Variants in PHLPP2 observed in about 807,000 individuals in gnomAD.
PHLPP2 encodes PH domain and leucine rich repeat protein phosphatase 2.
In PHLPP2, 66 loss-of-function variants were observed where a neutral mutation model predicts 124.9. The ratio of observed to expected loss-of-function variants is 0.53; its 90% CI spans 0.43 to 0.65. The LOEUF (loss-of-function observed/expected upper bound fraction) is 0.65, where lower values mean the gene tolerates loss of function less well. Ranked by LOEUF, PHLPP2 falls within the 30% of genes least tolerant of loss-of-function variation. PHLPP2 has a pLI of 0.00. For synonymous variants in PHLPP2, 681 were observed against 624.7 expected, an observed-to-expected ratio of 1.09 and a Z score of -1.34; for missense variants, 1,685 against 1,600.4, an observed-to-expected ratio of 1.05 and a Z score of -0.90.
chr16:71,705,749 A>G (rs935233210), intron 2 of PHLPP2, among the ~76,000 whole-genome samples: 1 of 152,156 alleles, frequency 6.6e-6, no homozygotes, highest in African/African-American at 2.4e-5. Flanking sequence ...TGACCTCATG[A>G]TCTGCCCGCC....
intron 12 of PHLPP2, 190 bp from the exon 13 acceptor site, chr16:71,664,289 G>A (rs1038754560): frequency 1.7e-6 from 1 of 597,868 alleles, no homozygotes; most frequent in Non-Finnish European, 3.0e-6. Flanking sequence ...CTCAACTCAT[G>A]CAAACCAAGT....
At position 71,649,286 on chromosome 16, in the gene PHLPP2, C is replaced by A; in HGVS notation, c.3576G>T (p.Leu1192=). ...ACCCTCTAGCATGTTCCTCAGAACA[C>A]AGGGTAGGAGAACTCTCTATGAGAG... ...SPPLIESSPT[L]CSEEHARGSC... is the part of the protein sequence containing the mutation. The change falls in exon 19 of 19, where the codon CTG becomes CTT. Residue 1192 remains leucine, a synonymous_variant. Coordinates refer to ENST00000568954, the MANE Select transcript of PHLPP2 (RefSeq NM_015020.3). 2 of 1,614,060 alleles carry A rather than the reference C, an allele frequency of 1.2e-6. No individual in the cohort carries two copies. The highest frequency in any genetic ancestry group is 2.2e-5 in the East Asian group (1 of 44,876).
chr16:71,711,327 G>A (rs545719510), intron 2 of PHLPP2, among the ~76,000 whole-genome samples: 14 of 148,734 alleles, frequency 9.4e-5, no homozygotes, highest in African/African-American at 3.0e-4. Context: ...GTGAAACTCC[G>A]TCTCAAAAAA....
intron 17 of PHLPP2, 72 bp from the exon 18 acceptor site, chr16:71,653,093 T>A (rs1382023833): frequency 2.8e-6 from 2 of 720,790 alleles, no homozygotes; most frequent in South Asian, 1.9e-5. Context: ...TGCACGTACA[T>A]CCCTTCTTTT....
At position 71,648,807 on chromosome 16, in the gene PHLPP2, A is replaced by C. The variant is rs1332858281; in HGVS notation, c.*83T>G. ...ACAAAAAAAAAACGAACAAACAAAA[A>C]GAAATGTAGAGGCAGAATGCCTCTA... On this transcript the variant is annotated 3_prime_UTR_variant, in exon 19 of 19. Coordinates refer to ENST00000568954, the MANE Select transcript of PHLPP2 (RefSeq NM_015020.3). The C allele has an allele frequency of 1.3e-5, 13 of 992,248 alleles. No homozygotes were observed. Among genetic ancestry groups the C allele is most frequent in the Non-Finnish European group, 1.8e-5 (12 of 659,586 alleles). The allele number at this position is 992,248 out of a possible 1,614,324, so 61.5% of individuals were successfully genotyped here.
chr16:71,653,072 AGTG>A (rs759107535), intron 17 of PHLPP2, 51 bp from the exon 18 acceptor site: 33 of 1,231,378 alleles, frequency 2.7e-5, no homozygotes, highest in Non-Finnish European at 3.6e-5. Context: ...TTTAGAAGAA[AGTG>A]GTGGTCCTGC....
chr16:71,720,855 C>T (rs757248298), intron 1 of PHLPP2, among the ~76,000 whole-genome samples: 52 of 139,296 alleles, frequency 3.7e-4, no homozygotes, highest in Non-Finnish European at 7.3e-4. Flanking sequence ...AACTCCACCT[C>T]GGAAAAAAAA....
chr16:71,686,987 G>A (rs562745583), intron 4 of PHLPP2, among the ~76,000 whole-genome samples: 43 of 152,108 alleles, frequency 2.8e-4, no homozygotes, highest in Admixed American at 3.9e-4. Flanking sequence ...AAAAGCACAC[G>A]TTTAATTTTA....
At chr16:71,667,011 A>G (rs2044845224) in intron 12 of PHLPP2, among the ~76,000 whole-genome samples, 167 bp downstream of exon 12, 1 of 152,236 alleles carries the variant, frequency 6.6e-6, no homozygotes, top group Non-Finnish European at 1.5e-5. Context: ...CTCATAAAAC[A>G]GTGTCATATT....
chr16:71,700,520 T>TG (rs1491277243), intron 3 of PHLPP2, among the ~76,000 whole-genome samples: 3 of 90,766 alleles, frequency 3.3e-5, no homozygotes, highest in Non-Finnish European at 4.2e-5. Flanking sequence ...GACTCATTTC[T>TG]TTTTTTTTTT....
At chr16:71,678,538 G>A in intron 8 of PHLPP2, 2 of 508,850 alleles carry the variant, frequency 3.9e-6, no homozygotes, top group Non-Finnish European at 7.0e-6. Flanking sequence ...TACTCGGGAG[G>A]CTGAGGTGGG....
In PHLPP2 at chr16:71,652,885, C is replaced by T. The variant is rs766252885; in HGVS notation, c.2722G>A (p.Gly908Ser). The change falls in exon 18 of 19, where the codon GGT (glycine) becomes AGT (serine). Residue 908 changes from glycine to serine, a missense_variant. Coordinates refer to ENST00000568954, the MANE Select transcript of PHLPP2 (RefSeq NM_015020.3). ...TTAGAGAGGGGCACTGGCTTCCCAC[C>T]TCGGCACAGGACTGCTTGGCACGTG... ...VGTCQAVLCRGGKPVPLSKVF... is the reference protein window; with the variant it reads ...VGTCQAVLCRSGKPVPLSKVF... The T allele has an allele frequency of 6.2e-7, 1 of 1,614,050 alleles. No individual in the cohort carries two copies. The highest frequency in any genetic ancestry group is 1.3e-5 in the African/African-American group (1 of 74,930).
At chr16:71,714,825 A>G in intron 1 of PHLPP2, 24 bp from the exon 2 acceptor site, 1 of 1,594,598 alleles carries the variant, frequency 6.3e-7, no homozygotes, top group Non-Finnish European at 8.5e-7. Context: ...AGAGAAAGAA[A>G]TCGTTAGCTA....
chr16:71,684,093 T>C (rs1277783960), intron 5 of PHLPP2, among the ~76,000 whole-genome samples: 1 of 149,232 alleles, frequency 6.7e-6, no homozygotes, highest in Non-Finnish European at 1.5e-5. Flanking sequence ...CACCCGGCCA[T>C]CAGTTTCAAA....
At chr16:71,679,184 G>T (rs189145122) in intron 7 of PHLPP2, among the ~76,000 whole-genome samples, 199 bp from the exon 8 acceptor site, 66 of 152,320 alleles carry the variant, frequency 4.3e-4, no homozygotes, top group African/African-American at 1.4e-3. Context: ...CATTAAAAGA[G>T]TTAAGACCGC....
At chr16:71,699,656 C>A (rs2045208774) in intron 3 of PHLPP2, among the ~76,000 whole-genome samples, 1 of 152,260 alleles carries the variant, frequency 6.6e-6, no homozygotes, top group South Asian at 2.1e-4. Flanking sequence ...TTCAAAAAGG[C>A]TGTCACACTG....
chr16:71,718,473 G>A (rs2045377684), intron 1 of PHLPP2, among the ~76,000 whole-genome samples: 1 of 151,690 alleles, frequency 6.6e-6, no homozygotes, highest in Admixed American at 6.6e-5. Flanking sequence ...CCAAATACTT[G>A]GGAGGCTGAG....
intron 18 of PHLPP2, among the ~76,000 whole-genome samples, chr16:71,651,422 G>C (rs1322706616): frequency 1.3e-5 from 2 of 151,886 alleles, no homozygotes; most frequent in Admixed American, 1.3e-4. Flanking sequence ...TCTGAAGCCA[G>C]GCGCAGTGGC....
chr16:71,695,506 C>T (rs1045845857), intron 3 of PHLPP2, among the ~76,000 whole-genome samples: 2 of 152,110 alleles, frequency 1.3e-5, no homozygotes, highest in African/African-American at 4.8e-5. Flanking sequence ...GTCAGGAGTT[C>T]AAGACCAGCC....
Sources: gnomAD v4.1 joint callset for allele counts (sites outside exome capture counted in the v4.1 genomes callset) on GRCh38, gnomAD v4.1.1 for gene constraint, MANE v1.5 for transcripts, NCBI Gene and HGNC (gene_info 2026-07-23, HGNC 2026-07-21) for gene names.